The following LAMA1 variants were observed in gnomAD, a reference collection of about 807,000 sequenced individuals.
LAMA1 encodes laminin subunit alpha 1.
Under a neutral mutation model 348.7 loss-of-function variants are expected in LAMA1, and 219 were observed. The observed-to-expected ratio is 0.63, with a 90% CI of 0.56 to 0.70. The LOEUF (loss-of-function observed/expected upper bound fraction) is 0.70, where lower values mean the gene tolerates loss of function less well. LAMA1 is among the 30% of genes least tolerant of loss of function. LAMA1 has a pLI of 0.00. For missense variants in LAMA1, 3,744 were observed against 3,888.0 expected (o/e 0.96, Z 0.99); for synonymous variants, 1,487 against 1,491.0 (o/e 1.00, Z 0.06).
chr18:7,052,866 A>G (rs555471245), intron 3 of LAMA1, among the ~76,000 whole-genome samples: 1 of 151,790 alleles, frequency 6.6e-6, no homozygotes, highest in South Asian at 2.1e-4. Flanking sequence ...TAAAACTACA[A>G]AAAAATTATC....
chr18:7,044,162 C>CAA (rs60402984), intron 7 of LAMA1, among the ~76,000 whole-genome samples: 624 of 37,228 alleles, frequency 0.017, 2 homozygotes, highest in Non-Finnish European at 0.025. Flanking sequence ...GACTCCATCT[C>CAA]AAAAAAAAAA....
rs183543858 is a variant in LAMA1 at position 7,040,151 on chromosome 18, C to T, written c.1347G>A (p.Pro449=). 4.3e-5 allele frequency: 69 copies of T among 1,614,102 alleles called. No individual in the cohort carries two copies. In the East Asian group the frequency reaches 1.1e-3, roughly 25 times the overall value. The change falls in exon 10 of 63, where the codon CCG becomes CCA. Residue 449 remains proline (P), a synonymous_variant. Coordinates refer to ENST00000389658, the MANE Select transcript of LAMA1 (RefSeq NM_005559.4). The part of the protein sequence containing the change: ...DRCQLGYKDY[P]TCVSCGCNPV... ...GGTTGCACCCACAGGAGACACAGGTCGGGTAATCCTTATAGCCAAGTTGGC... is the reference window on the plus strand; with the variant it reads ...GGTTGCACCCACAGGAGACACAGGTTGGGTAATCCTTATAGCCAAGTTGGC...
intron 51 of LAMA1, 118 bp downstream of exon 51, chr18:6,964,544 G>A (rs1388136595): frequency 2.4e-6 from 3 of 1,258,926 alleles, no homozygotes; most frequent in Non-Finnish European, 3.5e-6. Context: ...CTCTAGAACT[G>A]GGAAAGAATA....
At chr18:7,056,874 A>ATTT (rs552074141) in intron 3 of LAMA1, among the ~76,000 whole-genome samples, 111 of 144,460 alleles carry the variant, frequency 7.7e-4, no homozygotes, top group African/African-American at 2.7e-3. Context: ...AACGCTTTGA[A>ATTT]TTTTTTTTTT....
At chr18:6,994,715 T>TAAA (rs2057773574) in intron 34 of LAMA1, among the ~76,000 whole-genome samples, 5 of 78,584 alleles carry the variant, frequency 6.4e-5, no homozygotes, top group African/African-American at 1.8e-4. Context: ...AATTCATAAA[T>TAAA]GAAAAAACAG....
intron 24 of LAMA1, among the ~76,000 whole-genome samples, 171 bp downstream of exon 24, chr18:7,011,824 G>C (rs747626741): frequency 6.6e-6 from 1 of 152,190 alleles, no homozygotes; most frequent in Non-Finnish European, 1.5e-5. Context: ...TTACTTCCTC[G>C]GCCAGCAGAA....
intron 56 of LAMA1, chr18:6,956,318 T>C (rs948992979): frequency 1.1e-5 from 5 of 463,634 alleles, no homozygotes; most frequent in African/African-American, 7.9e-5. Context: ...ATGAAGTACT[T>C]ATTTTCATGC....
intron 12 of LAMA1, among the ~76,000 whole-genome samples, chr18:7,036,655 A>G (rs1458860278): frequency 5.9e-5 from 9 of 152,226 alleles, no homozygotes; most frequent in African/African-American, 2.2e-4. Flanking sequence ...AGAAAAAAAA[A>G]TCATTGAACT....
At chr18:7,071,977 C>A (rs966648431) in intron 3 of LAMA1, among the ~76,000 whole-genome samples, 3 of 152,202 alleles carry the variant, frequency 2.0e-5, no homozygotes, top group African/African-American at 7.2e-5. Flanking sequence ...TTATTAAATG[C>A]ATAGAATTGT....
At position 7,013,604 on chromosome 18, in the gene LAMA1, T is replaced by G. The variant is rs145501295; in HGVS notation, c.3363+211A>C. 2.4e-4 allele frequency among the ~76,000 whole-genome samples: 37 copies of G among 152,244 alleles called. No individual in the cohort carries two copies. In the East Asian group the frequency reaches 7.2e-3, roughly 29 times the overall value. On this transcript the variant is annotated intron_variant, in intron 23 of 62. Transcript: ENST00000389658. ...CAGGGCAGTTTTCAAATCAGTTCCA[T>G]CAACTGACACTAGTAACAGTAAAAA... is the stretch of plus-strand genomic sequence containing the variant.
chr18:7,083,995 G>A (rs2143789307), intron 1 of LAMA1, among the ~76,000 whole-genome samples: 1 of 138,216 alleles, frequency 7.2e-6, no homozygotes, highest in African/African-American at 2.6e-5. Flanking sequence ...ATCACTTAAA[G>A]TTGAGAAGCG....
intron 21 of LAMA1, 51 bp from the exon 22 acceptor site, chr18:7,015,909 GGCTAAGA>G (rs754271487): frequency 1.2e-6 from 2 of 1,607,056 alleles, no homozygotes; most frequent in East Asian, 4.5e-5. Flanking sequence ...GTCATTAAAG[GGCTAAGA>G]GCTGATGCTG....
In LAMA1 at chr18:6,997,845, A is replaced by G. The variant is rs1215376956; in HGVS notation, c.4703T>C (p.Leu1568Ser). The part of the protein sequence containing the change: ...DECVGVLLND[L>S]DEIGDAVLSL... ...AAGAACGGCATCACCAATCTCATCCAAGTCATTCAGCAGCACACCTACACA... is the reference window on the plus strand; with the variant it reads ...AAGAACGGCATCACCAATCTCATCCGAGTCATTCAGCAGCACACCTACACA... Residue 1568 changes from leucine to serine, a missense_variant, in exon 33 of 63, where the codon TTG becomes TCG. This residue lies in a region of LAMA1 where 1,983 missense variants were observed against 1,934.3 expected (regional missense o/e 1.03). Transcript: ENST00000389658. The G allele has an allele frequency of 1.9e-6, 3 of 1,614,218 alleles. No homozygotes were observed. Among genetic ancestry groups the G allele is most frequent in the Non-Finnish European group, 2.5e-6 (3 of 1,180,038 alleles).
At chr18:7,047,290 G>A (rs934934266) in intron 5 of LAMA1, among the ~76,000 whole-genome samples, 19 of 151,980 alleles carry the variant, frequency 1.3e-4, no homozygotes, top group African/African-American at 2.9e-4. Flanking sequence ...TGATCCACCC[G>A]CCTCAGCCTC....
At chr18:7,107,610 T>A (rs777620005) in intron 1 of LAMA1, among the ~76,000 whole-genome samples, 4 of 152,014 alleles carry the variant, frequency 2.6e-5, no homozygotes, top group Non-Finnish European at 5.9e-5. Flanking sequence ...CTTCAGTGCA[T>A]GGATGAATGA....
At chr18:7,018,222 G>C (rs997841374) in intron 19 of LAMA1, among the ~76,000 whole-genome samples, 11 of 148,420 alleles carry the variant, frequency 7.4e-5, no homozygotes, top group Admixed American at 1.4e-4. Context: ...TGTAATCCCA[G>C]CTACTTGGGA....
At chr18:7,117,139 C>T (rs1407491870) in intron 1 of LAMA1, among the ~76,000 whole-genome samples, 1 of 152,208 alleles carries the variant, frequency 6.6e-6, no homozygotes, top group Non-Finnish European at 1.5e-5. Flanking sequence ...GCCCGCTTGG[C>T]TGCCAGGGGC....
At chr18:7,077,769 T>C (rs2058175352) in intron 3 of LAMA1, among the ~76,000 whole-genome samples, 1 of 152,084 alleles carries the variant, frequency 6.6e-6, no homozygotes, top group Non-Finnish European at 1.5e-5. Flanking sequence ...AGAAAGGTGA[T>C]GGGAAAAACC....
chr18:6,954,135 T>C (rs2057563088), intron 57 of LAMA1: 1 of 152,126 alleles, frequency 6.6e-6, no homozygotes, highest in Non-Finnish European at 1.5e-5. Flanking sequence ...ATGAACATAT[T>C]AGAGCAATGC....
Sources: gnomAD v4.1 joint callset for allele counts (sites outside exome capture counted in the v4.1 genomes callset) on GRCh38, gnomAD v4.1.1 for gene constraint, gnomAD v4.1.1 regional missense constraint, MANE v1.5 for transcripts, NCBI Gene and HGNC (gene_info 2026-07-23, HGNC 2026-07-21) for gene names.